The following ZFHX3 variants were observed in gnomAD, a reference collection of about 807,000 sequenced individuals.
ZFHX3 encodes the protein zinc finger homeobox protein 3.
ZFHX3 carries 42 observed loss-of-function variants against 279.1 expected under a neutral mutation model. That is an observed-to-expected ratio of 0.15 (90% CI 0.12 to 0.19). ZFHX3 has a LOEUF of 0.19. Among genes scored for constraint, ZFHX3 ranks in the 10% least tolerant of loss-of-function variants. The pLI, the probability that ZFHX3 is intolerant of heterozygous loss-of-function variation, is 1.00. For synonymous variants in ZFHX3, 2,293 were observed against 1,957.8 expected (o/e 1.17, Z -4.52); for missense variants, 4,981 against 4,754.0 (o/e 1.05, Z -1.40).
chr16:73,080,846 G>C (rs915571795), intron 8 of ZFHX3, among the ~76,000 whole-genome samples: 99 of 152,280 alleles, frequency 6.5e-4, no homozygotes, highest in Non-Finnish European at 1.8e-4. Context: ...CTCCCAAAGT[G>C]CTGGGATTTC....
intron 5 of ZFHX3, among the ~76,000 whole-genome samples, chr16:73,190,174 A>C (rs2144887711): frequency 6.6e-6 from 1 of 152,354 alleles, no homozygotes; most frequent in African/African-American, 2.4e-5. Flanking sequence ...CACCTTTGGA[A>C]GCAGGAAGCT....
chr16:73,547,835 T>C (rs1366281282), intron 2 of ZFHX3, among the ~76,000 whole-genome samples: 2 of 152,234 alleles, frequency 1.3e-5, no homozygotes, highest in Non-Finnish European at 2.9e-5. Flanking sequence ...CTACTGCTAT[T>C]TCAAAAGTGC....
At chr16:73,858,107 AAGAAG>A (rs1369052992) in intron 1 of ZFHX3, among the ~76,000 whole-genome samples, 1 of 149,110 alleles carries the variant, frequency 6.7e-6, no homozygotes, top group Non-Finnish European at 1.5e-5. Flanking sequence ...AAAAAAAAAA[AAGAAG>A]AAGAAGAAGA....
chr16:73,101,564 AT>A (rs918606601), intron 7 of ZFHX3, among the ~76,000 whole-genome samples: 114 of 149,280 alleles, frequency 7.6e-4, no homozygotes, highest in African/African-American at 2.4e-3. Flanking sequence ...ATTTTTTTAA[AT>A]TTTTTTTTTT....
intron 3 of ZFHX3, among the ~76,000 whole-genome samples, chr16:73,344,487 G>T (rs866293260): frequency 6.6e-6 from 1 of 152,156 alleles, no homozygotes; most frequent in Non-Finnish European, 1.5e-5. Context: ...TTCTTGGAAG[G>T]ATGGAAAAAA....
At chr16:73,317,567 T>G (rs1452283559) in intron 4 of ZFHX3, among the ~76,000 whole-genome samples, 1 of 152,082 alleles carries the variant, frequency 6.6e-6, no homozygotes, top group Non-Finnish European at 1.5e-5. Context: ...CAGAAGAAAT[T>G]AAACCCTGTC....
chr16:72,920,358 C>T (rs2039552357), intron 3 of ZFHX3, among the ~76,000 whole-genome samples: 1 of 152,032 alleles, frequency 6.6e-6, no homozygotes, highest in African/African-American at 2.4e-5. Flanking sequence ...CCCCTGGATT[C>T]CATTATGATT....
At chr16:73,615,303 G>A (rs1237526004) in intron 2 of ZFHX3, among the ~76,000 whole-genome samples, 1 of 152,136 alleles carries the variant, frequency 6.6e-6, no homozygotes, top group Non-Finnish European at 1.5e-5. Context: ...GATGACGGAT[G>A]TGACAGGGCT....
chr16:73,027,630 G>A (rs75360231), intron 1 of ZFHX3, among the ~76,000 whole-genome samples: 26,129 of 152,112 alleles, frequency 0.17, 2,361 homozygotes, highest in Admixed American at 0.27. Context: ...TAAATACAGC[G>A]TTAGGGAAAA....
chr16:73,568,711 C>T (rs890643082), intron 2 of ZFHX3, among the ~76,000 whole-genome samples: 34 of 152,348 alleles, frequency 2.2e-4, no homozygotes, highest in African/African-American at 7.2e-4. Flanking sequence ...CAGCATGGAG[C>T]TGGCCCCCCT....
At chr16:73,816,021 C>T (rs1203893781) in intron 1 of ZFHX3, 1 of 152,128 alleles carries the variant, frequency 6.6e-6, no homozygotes, top group African/African-American at 2.4e-5. Flanking sequence ...ATAGCTGTGT[C>T]TTCATTTATA....
intron 1 of ZFHX3, among the ~76,000 whole-genome samples, chr16:73,840,259 G>A (rs538674278): frequency 2.0e-5 from 3 of 152,216 alleles, no homozygotes; most frequent in South Asian, 4.2e-4. Flanking sequence ...AAAGAAAGAG[G>A]GGGCAGGAAT....
chr16:73,170,317 A>G (rs1597200174), intron 5 of ZFHX3, among the ~76,000 whole-genome samples: 1 of 125,172 alleles, frequency 8.0e-6, no homozygotes, highest in African/African-American at 3.1e-5. Flanking sequence ...TGCAACCTCC[A>G]CCTCCCGGGT....
rs981511415 is a variant in ZFHX3 at position 73,630,019 on chromosome 16, C to T, written c.-1547+50161G>A. The stretch of plus-strand genomic sequence containing the variant: ...GCTAATGAGTCACTAAAACCATCCC[C>T]GGCCCATCCATCATTTCTATTACAG... On this transcript the variant is annotated intron_variant, in intron 2 of 17. Coordinates refer to the ZFHX3 transcript ENST00000641206. Among the ~76,000 whole-genome samples the T allele has an allele frequency of 2.6e-5, 4 of 152,206 alleles. No individual in the cohort carries two copies. The East Asian group carries it at 5.8e-4, about 22-fold the overall frequency.
upstream of ZFHX3, among the ~76,000 whole-genome samples, chr16:73,062,689 T>C (rs56853698): frequency 0.023 from 3,449 of 151,188 alleles, 125 homozygotes; most frequent in African/African-American, 0.077. Flanking sequence ...CCCTGGGTTT[T>C]CTTCTGCAGG....
intron 9 of ZFHX3, chr16:72,789,919 T>TGACA (rs2035624246): frequency 6.6e-6 from 1 of 152,456 alleles, no homozygotes; most frequent in South Asian, 2.1e-4. Context: ...CCCAAGATAC[T>TGACA]GACACCAATT....
At chr16:72,933,810 TTTC>T (rs941222320) in intron 3 of ZFHX3, among the ~76,000 whole-genome samples, 5 of 134,238 alleles carry the variant, frequency 3.7e-5, no homozygotes, top group African/African-American at 1.5e-4. Context: ...AGCTCACAAC[TTTC>T]TTTTTTTTTT....
chr16:73,007,400 A>G (rs1425770169), intron 1 of ZFHX3, among the ~76,000 whole-genome samples: 1 of 152,176 alleles, frequency 6.6e-6, no homozygotes, highest in Non-Finnish European at 1.5e-5. Context: ...GTTTAAAATA[A>G]CTTATCCTTT....
intron 4 of ZFHX3, among the ~76,000 whole-genome samples, chr16:73,304,918 G>A (rs2015144817): frequency 6.6e-6 from 1 of 152,086 alleles, no homozygotes; most frequent in Admixed American, 6.6e-5. Context: ...TATGTCTTTG[G>A]GAGCATGTCA....
Sources: gnomAD v4.1 joint callset for allele counts (sites outside exome capture counted in the v4.1 genomes callset) on GRCh38, gnomAD v4.1.1 for gene constraint, MANE v1.5 for transcripts, NCBI Gene and HGNC (gene_info 2026-07-23, HGNC 2026-07-21) for gene names.